The following RAPGEF6 variants were observed in gnomAD, a reference collection of about 807,000 sequenced individuals.
RAPGEF6 encodes the protein PDZ domain containing guanine nucleotide exchange factor (GEF) 2.
Under a neutral mutation model 171.4 loss-of-function variants are expected in RAPGEF6, and 56 were observed. That is an observed-to-expected ratio of 0.33 (90% CI 0.26 to 0.41). The LOEUF (loss-of-function observed/expected upper bound fraction) is 0.41, where lower values mean the gene tolerates loss of function less well. Ranked by LOEUF, RAPGEF6 falls within the 10% of genes least tolerant of loss-of-function variation. The probability of loss-of-function intolerance (pLI) is 1.00; values close to 1 mark genes in which losing one functional copy is unlikely to be tolerated. For missense variants in RAPGEF6, 1,674 were observed against 1,921.4 expected (o/e 0.87, Z 2.41); for synonymous variants, 692 against 650.1 (o/e 1.06, Z -0.98).
chr5:131,459,757 T>C (rs1279232028), intron 19 of RAPGEF6, among the ~76,000 whole-genome samples: 2 of 152,160 alleles, frequency 1.3e-5, no homozygotes, highest in Non-Finnish European at 2.9e-5. Context: ...GTTTTAAATA[T>C]ATATTTATAT....
At chr5:131,631,881 C>T (rs1007233197) in intron 1 of RAPGEF6, among the ~76,000 whole-genome samples, 3 of 152,050 alleles carry the variant, frequency 2.0e-5, no homozygotes, top group African/African-American at 7.2e-5. Context: ...TTGAGGCCAT[C>T]CTGGCTAACA....
chr5:131,496,886 ATGGT>A (rs1756672996), intron 12 of RAPGEF6, among the ~76,000 whole-genome samples: 1 of 150,714 alleles, frequency 6.6e-6, no homozygotes, highest in South Asian at 2.1e-4. Flanking sequence ...GCTGGGCTAT[ATGGT>A]AACCCTATGT....
chr5:131,607,162 G>A (rs971373834), intron 1 of RAPGEF6, among the ~76,000 whole-genome samples: 3 of 152,196 alleles, frequency 2.0e-5, no homozygotes, highest in African/African-American at 7.2e-5. Flanking sequence ...AAAAAGCCAA[G>A]TGGAAACCTC....
intron 1 of RAPGEF6, among the ~76,000 whole-genome samples, chr5:131,622,265 C>T: frequency 6.6e-6 from 1 of 152,154 alleles, no homozygotes; most frequent in South Asian, 2.1e-4. Flanking sequence ...GAAGTTTAGA[C>T]ACTTAAGATT....
intron 1 of RAPGEF6, among the ~76,000 whole-genome samples, chr5:131,620,545 A>G (rs940834346): frequency 3.3e-5 from 5 of 152,164 alleles, no homozygotes; most frequent in African/African-American, 7.2e-5. Flanking sequence ...AGTATTTCCC[A>G]GTGAATAACT....
chr5:131,426,988 A>AT lies in RAPGEF6; in HGVS notation c.*277dup. On this transcript the variant is annotated 3_prime_UTR_variant, in exon 28 of 28. Transcript: ENST00000509018. ...TACACAAGGATCACTCTGAGTTTAC[A>AT]TTTTTTCTGTAACTGTGGTCCCAAG... The AT allele has an allele frequency of 2.2e-6, 1 of 454,408 alleles. No homozygotes were observed. The highest frequency in any genetic ancestry group is 4.1e-5 in the Admixed American group (1 of 24,216). The allele number at this position is 454,408 out of a possible 1,614,324, so 28.1% of individuals were successfully genotyped here.
chr5:131,608,791 G>A (rs1764763060), intron 1 of RAPGEF6, among the ~76,000 whole-genome samples: 1 of 151,426 alleles, frequency 6.6e-6, no homozygotes, highest in Non-Finnish European at 1.5e-5. Flanking sequence ...TCTCTCTCTT[G>A]CTTCCTCCCT....
intron 5 of RAPGEF6, among the ~76,000 whole-genome samples, chr5:131,554,216 A>G (rs1761094086): frequency 6.6e-6 from 1 of 152,220 alleles, no homozygotes; most frequent in Admixed American, 6.5e-5. Context: ...CAATCCTCCA[A>G]GAATGAAGAA....
At chr5:131,467,345 A>C (rs1445099195) in intron 17 of RAPGEF6, among the ~76,000 whole-genome samples, 1 of 152,232 alleles carries the variant, frequency 6.6e-6, no homozygotes, top group East Asian at 1.9e-4. Flanking sequence ...AAATGGGATT[A>C]TCTAAAGGGT....
At chr5:131,521,605 G>A in intron 6 of RAPGEF6, 84 bp from the exon 7 acceptor site, 1 of 1,252,518 alleles carries the variant, frequency 8.0e-7, no homozygotes, top group Non-Finnish European at 1.1e-6. Flanking sequence ...AAATTTTTAT[G>A]TACATTACTG....
chr5:131,482,945 A>T (rs1321385850), intron 15 of RAPGEF6, among the ~76,000 whole-genome samples: 2 of 152,250 alleles, frequency 1.3e-5, no homozygotes, highest in Non-Finnish European at 2.9e-5. Context: ...AGATGAGGCC[A>T]GTTAATGCTA....
intron 15 of RAPGEF6, among the ~76,000 whole-genome samples, chr5:131,488,988 T>C (rs1381877034): frequency 6.6e-6 from 1 of 152,208 alleles, no homozygotes; most frequent in Non-Finnish European, 1.5e-5. Context: ...ACTGGTTTTA[T>C]TTAAATATAA....
At chr5:131,513,549 A>G (rs1392110605) in intron 7 of RAPGEF6, among the ~76,000 whole-genome samples, 1 of 152,252 alleles carries the variant, frequency 6.6e-6, no homozygotes, top group Non-Finnish European at 1.5e-5. Flanking sequence ...TGGACAGTAG[A>G]GAAGGCTAAT....
chr5:131,612,061 G>T (rs1014521796), intron 1 of RAPGEF6, among the ~76,000 whole-genome samples: 2 of 152,018 alleles, frequency 1.3e-5, no homozygotes, highest in Non-Finnish European at 2.9e-5. Context: ...TAGAGACGGG[G>T]TCTCACTCTG....
intron 6 of RAPGEF6, among the ~76,000 whole-genome samples, chr5:131,546,731 A>G (rs1200047794): frequency 6.6e-6 from 1 of 152,228 alleles, no homozygotes; most frequent in Non-Finnish European, 1.5e-5. Flanking sequence ...AATGGGAAAA[A>G]CATTTAACAA....
At chr5:131,489,448 A>T in intron 15 of RAPGEF6, 98 bp downstream of exon 15, 1 of 699,494 alleles carries the variant, frequency 1.4e-6, no homozygotes, top group Non-Finnish European at 2.4e-6. Context: ...TTAGACAAAA[A>T]CATGTTTATA....
At chr5:131,632,966 A>G (rs1766406296) in intron 1 of RAPGEF6, among the ~76,000 whole-genome samples, 1 of 152,220 alleles carries the variant, frequency 6.6e-6, no homozygotes, top group African/African-American at 2.4e-5. Flanking sequence ...ATTAAGCACA[A>G]TAAAGTACTT....
At chr5:131,628,121 C>G (rs1766060296) in intron 1 of RAPGEF6, among the ~76,000 whole-genome samples, 3 of 152,156 alleles carry the variant, frequency 2.0e-5, no homozygotes, top group Non-Finnish European at 4.4e-5. Context: ...AAAGAGTCAC[C>G]TATCTCTCAC....
At chr5:131,613,268 G>A (rs943821098) in intron 1 of RAPGEF6, among the ~76,000 whole-genome samples, 10 of 152,064 alleles carry the variant, frequency 6.6e-5, no homozygotes, top group African/African-American at 2.2e-4. Flanking sequence ...GAATTAGCCG[G>A]GCATGGTGGC....
Sources: allele counts gnomAD v4.1 joint callset (sites outside exome capture counted in the v4.1 genomes callset), GRCh38; gene constraint gnomAD v4.1.1; transcripts MANE v1.5; gene names NCBI Gene and HGNC (gene_info 2026-07-23, HGNC 2026-07-21).